The following MGAT5 variants were observed in gnomAD, a reference collection of about 807,000 sequenced individuals.
MGAT5 encodes the protein alpha-1,6-mannosylglycoprotein 6-beta-N-acetylglucosaminyltransferase.
In MGAT5, 30 loss-of-function variants were observed where a neutral mutation model predicts 94.3. That is an observed-to-expected ratio of 0.32 (90% CI 0.24 to 0.43). The LOEUF is 0.43. Among genes scored for constraint, MGAT5 ranks in the 20% least tolerant of loss-of-function variants. The pLI is 1.00. For missense variants in MGAT5, 691 were observed against 905.5 expected, an observed-to-expected ratio of 0.76 and a Z score of 3.04; for synonymous variants, 310 against 322.9, an observed-to-expected ratio of 0.96 and a Z score of 0.43.
chr2:134,356,538 G>A (rs1001477482), intron 9 of MGAT5, among the ~76,000 whole-genome samples: 2 of 152,004 alleles, frequency 1.3e-5, no homozygotes, highest in South Asian at 2.1e-4. Flanking sequence ...GCTTACTTTC[G>A]GTGGAGTCAG....
Position 134,396,672 on chromosome 2 carries a change from A to C in MGAT5, c.1381-6316A>C, listed in dbSNP as rs745450508. On this transcript the variant is annotated intron_variant, in intron 10 of 15. Coordinates refer to ENST00000281923, the MANE Select transcript of MGAT5 (RefSeq NM_002410.5). ...CGAGATCCATGTTTCCCACAAGTCC[A>C]TAAGTCCTTTGTGGTTTGTGTGCCT... Among the ~76,000 whole-genome samples, 96 of 152,210 alleles carry C rather than the reference A, an allele frequency of 6.3e-4. 1 individual carries two copies. The highest frequency in any genetic ancestry group is 2.2e-4 in the Non-Finnish European group (15 of 68,034).
At chr2:134,272,992 T>G (rs1212700593) in intron 2 of MGAT5, among the ~76,000 whole-genome samples, 1 of 151,732 alleles carries the variant, frequency 6.6e-6, no homozygotes, top group African/African-American at 2.4e-5. Context: ...AGCTGGCCCG[T>G]GTATGTGTGT....
chr2:134,224,628 A>C (rs1680959617), intron 1 of MGAT5, among the ~76,000 whole-genome samples: 1 of 152,200 alleles, frequency 6.6e-6, no homozygotes, highest in Non-Finnish European at 1.5e-5. Context: ...AGGCACTTGG[A>C]GTTACACCAG....
intron 10 of MGAT5, among the ~76,000 whole-genome samples, chr2:134,402,284 A>G (rs1188302031): frequency 6.6e-6 from 1 of 152,218 alleles, no homozygotes; most frequent in Admixed American, 6.5e-5. Flanking sequence ...TACAAATACA[A>G]GAAAAGGGGT....
intron 14 of MGAT5, among the ~76,000 whole-genome samples, chr2:134,440,783 ACTT>A (rs1449482767): frequency 7.2e-5 from 11 of 152,152 alleles, no homozygotes; most frequent in African/African-American, 2.4e-4. Context: ...GGGAGGAGGC[ACTT>A]CTTACGATTT....
chr2:134,214,454 G>GC (rs1680360091), intron 1 of MGAT5, among the ~76,000 whole-genome samples: 2 of 152,170 alleles, frequency 1.3e-5, no homozygotes, highest in South Asian at 4.1e-4. Flanking sequence ...TAGTTGATGA[G>GC]CTACAAAAAT....
At chr2:134,145,160 C>G (rs534027295) in intron 1 of MGAT5, among the ~76,000 whole-genome samples, 64 of 152,002 alleles carry the variant, frequency 4.2e-4, no homozygotes, top group African/African-American at 1.5e-3. Context: ...TTGATGTTTT[C>G]CCCTTCCTTC....
At chr2:134,136,315 C>G (rs1686408373) in intron 1 of MGAT5, among the ~76,000 whole-genome samples, 2 of 152,086 alleles carry the variant, frequency 1.3e-5, no homozygotes, top group Non-Finnish European at 2.9e-5. Flanking sequence ...GCCTGTAATA[C>G]CAGCACTTTG....
intron 1 of MGAT5, among the ~76,000 whole-genome samples, chr2:134,232,579 G>C (rs1681424394): frequency 6.6e-6 from 1 of 152,120 alleles, no homozygotes; most frequent in African/African-American, 2.4e-5. Flanking sequence ...ACAGTACAAA[G>C]AGACCCACGG....
intron 1 of MGAT5, among the ~76,000 whole-genome samples, chr2:134,131,197 C>G (rs552089014): frequency 1.3e-4 from 20 of 152,322 alleles, no homozygotes; most frequent in African/African-American, 4.3e-4. Context: ...CGAACATGTC[C>G]GAACATCAGA....
upstream of MGAT5, among the ~76,000 whole-genome samples, chr2:134,254,055 C>T (rs939241972): frequency 6.6e-5 from 10 of 152,216 alleles, no homozygotes; most frequent in African/African-American, 2.2e-4. Flanking sequence ...CACACGCAGA[C>T]GCACACTTCC....
intron 9 of MGAT5, among the ~76,000 whole-genome samples, chr2:134,351,616 A>G (rs542190162): frequency 6.6e-6 from 1 of 152,322 alleles, no homozygotes; most frequent in African/African-American, 2.4e-5. Flanking sequence ...ACTGCTTAAA[A>G]TGTAACTGAA....
intron 10 of MGAT5, among the ~76,000 whole-genome samples, chr2:134,381,386 A>AC (rs1681565648): frequency 1.0e-5 from 1 of 95,336 alleles, no homozygotes; most frequent in Non-Finnish European, 2.1e-5. Context: ...GATAGATTAG[A>AC]TAGATAGATA....
intron 2 of MGAT5, among the ~76,000 whole-genome samples, chr2:134,299,708 T>C (rs1370803402): frequency 6.6e-6 from 1 of 152,124 alleles, no homozygotes; most frequent in Non-Finnish European, 1.5e-5. Context: ...TTTTTTCAGA[T>C]TGGATGTGTA....
intron 10 of MGAT5, among the ~76,000 whole-genome samples, chr2:134,388,570 T>C (rs1682179400): frequency 6.6e-6 from 1 of 152,196 alleles, no homozygotes; most frequent in Non-Finnish European, 1.5e-5. Context: ...GCAAATAAGA[T>C]CCACACATTG....
At chr2:134,202,943 A>G (rs762857066) in intron 1 of MGAT5, among the ~76,000 whole-genome samples, 2 of 152,182 alleles carry the variant, frequency 1.3e-5, no homozygotes, top group African/African-American at 2.4e-5. Flanking sequence ...GCGTGGGCCC[A>G]CCTGTCCTAA....
chr2:134,401,228 C>T (rs1683033491), intron 10 of MGAT5, among the ~76,000 whole-genome samples: 1 of 152,184 alleles, frequency 6.6e-6, no homozygotes, highest in Admixed American at 6.5e-5. Flanking sequence ...CCCAACCCAC[C>T]CGCCAAAACT....
rs139979843 is a variant in MGAT5 at position 134,448,593 on chromosome 2, G to A, written c.2028-56G>A. ...GATGGGGGCTCACAGGGCCAGTGAC[G>A]AGGAAAGGCTCTGTCCCTTCATCAC... On this transcript the variant is annotated intron_variant, in intron 15 of 15. Coordinates refer to ENST00000281923, the MANE Select transcript of MGAT5 (RefSeq NM_002410.5). 2.5e-3 allele frequency: 3,816 copies of A among 1,542,498 alleles called. 12 individuals carry two copies. The highest frequency in any genetic ancestry group is 8.6e-3 in the Middle Eastern group (48 of 5,606).
chr2:134,438,096 C>T (rs1274886364), intron 14 of MGAT5, among the ~76,000 whole-genome samples: 1 of 151,758 alleles, frequency 6.6e-6, no homozygotes, highest in Non-Finnish European at 1.5e-5. Context: ...ACTTGCTGAG[C>T]ACCAACATGA....
Sources: gnomAD v4.1 joint callset for allele counts (sites outside exome capture counted in the v4.1 genomes callset) on GRCh38, gnomAD v4.1.1 for gene constraint, MANE v1.5 for transcripts, NCBI Gene and HGNC (gene_info 2026-07-23, HGNC 2026-07-21) for gene names.